NCAM1: variants seen among roughly 807,000 people sequenced by gnomAD.
NCAM1 encodes neural cell adhesion molecule 1.
NCAM1 carries 14 observed loss-of-function variants against 109.8 expected under a neutral mutation model. That is an observed-to-expected ratio of 0.13 (90% CI 0.08 to 0.20). NCAM1 has a LOEUF of 0.20. Among genes scored for constraint, NCAM1 ranks in the 10% least tolerant of loss-of-function variants. NCAM1 has a pLI of 1.00. For missense variants in NCAM1, 774 were observed against 1,109.9 expected (o/e 0.70, Z 4.30); for synonymous variants, 418 against 442.9 (o/e 0.94, Z 0.70).
chr11:113,266,027 T>TG (rs1159408043), intron 17 of NCAM1, among the ~76,000 whole-genome samples: 2 of 152,182 alleles, frequency 1.3e-5, no homozygotes, highest in Non-Finnish European at 2.9e-5. Flanking sequence ...CTCGAGGTTA[T>TG]GGGGAAACTC....
At chr11:113,086,385 G>C (rs1391864323) in intron 1 of NCAM1, among the ~76,000 whole-genome samples, 4 of 152,172 alleles carry the variant, frequency 2.6e-5, no homozygotes, top group African/African-American at 7.2e-5. Context: ...CCAATCTTCA[G>C]GTAACATTTA....
intron 1 of NCAM1, among the ~76,000 whole-genome samples, chr11:113,137,650 C>A (rs556703770): frequency 6.6e-6 from 1 of 152,312 alleles, no homozygotes; most frequent in South Asian, 2.1e-4. Flanking sequence ...TTAAATGACA[C>A]ACTGCAATTT....
intron 1 of NCAM1, among the ~76,000 whole-genome samples, chr11:113,055,980 T>TAG (rs1953685971): frequency 4.2e-4 from 2 of 4,818 alleles, no homozygotes; most frequent in African/African-American, 2.3e-3. Context: ...GAAAATGTGA[T>TAG]ATATATATAT....
intron 1 of NCAM1, among the ~76,000 whole-genome samples, chr11:113,138,061 C>T (rs1488170314): frequency 2.0e-5 from 3 of 152,142 alleles, no homozygotes; most frequent in Non-Finnish European, 4.4e-5. Context: ...GCAGTGCGGG[C>T]CGTGAGTCCC....
At chr11:113,114,552 T>C (rs1385312076) in intron 1 of NCAM1, among the ~76,000 whole-genome samples, 1 of 152,242 alleles carries the variant, frequency 6.6e-6, no homozygotes, top group Non-Finnish European at 1.5e-5. Context: ...AATTCTTTTT[T>C]GCTGTGCTTG....
chr11:113,106,361 G>A (rs1351749105), intron 1 of NCAM1, among the ~76,000 whole-genome samples: 2 of 152,140 alleles, frequency 1.3e-5, no homozygotes, highest in Non-Finnish European at 2.9e-5. Flanking sequence ...CACAGTTTGT[G>A]GTTTGTATAC....
intron 1 of NCAM1, among the ~76,000 whole-genome samples, chr11:113,079,739 C>T (rs1938701719): frequency 6.6e-6 from 1 of 152,232 alleles, no homozygotes; most frequent in Non-Finnish European, 1.5e-5. Flanking sequence ...ACCTTCAACT[C>T]AATCAGCCAG....
At chr11:113,086,538 T>A (rs1226869872) in intron 1 of NCAM1, among the ~76,000 whole-genome samples, 1 of 152,208 alleles carries the variant, frequency 6.6e-6, no homozygotes, top group Non-Finnish European at 1.5e-5. Context: ...TGCTCAGGGA[T>A]GTGTCTTGCT....
Position 113,108,854 on chromosome 11 carries a change from C to A in NCAM1, c.53-93525C>A, listed in dbSNP as rs1389947690. 2.0e-5 allele frequency among the ~76,000 whole-genome samples: 3 copies of A among 150,224 alleles called. No homozygotes were observed. In the South Asian group the frequency reaches 6.3e-4, roughly 32 times the overall value. On this transcript the variant is annotated intron_variant, in intron 1 of 19. Coordinates refer to ENST00000316851, the MANE Select transcript of NCAM1 (RefSeq NM_181351.5). ...GCAGTGGCGCGATCTTGGCTCACTGCAACCTCCGCCTCCCAGATTCAAGCA... is the reference window on the plus strand; with the variant it reads ...GCAGTGGCGCGATCTTGGCTCACTGAAACCTCCGCCTCCCAGATTCAAGCA...
chr11:113,194,091 G>T (rs888351722), intron 1 of NCAM1, among the ~76,000 whole-genome samples: 2 of 152,158 alleles, frequency 1.3e-5, no homozygotes, highest in African/African-American at 4.8e-5. Flanking sequence ...AATTATGCCG[G>T]ATTCCCAGCA....
rs45494195 is a variant in NCAM1 at position 113,273,074 on chromosome 11, T to G, written c.2456+1198T>G. On this transcript the variant is annotated intron_variant, in intron 19 of 19. Coordinates refer to ENST00000316851, the MANE Select transcript of NCAM1 (RefSeq NM_181351.5). This position sits in a 1 kb window ranked among gnomAD's most constrained non-coding sequence, Gnocchi z 6.0. ...GTGAGACCACCACCCTGACCTCCAGTATTGCCCCGCCGGCCACGGCCACGC... is the reference window on the plus strand; with the variant it reads ...GTGAGACCACCACCCTGACCTCCAGGATTGCCCCGCCGGCCACGGCCACGC... The G allele has an allele frequency of 2.2e-6, 1 of 456,494 alleles. No homozygotes were observed. The highest frequency in any genetic ancestry group is 2.0e-5 in the African/African-American group (1 of 50,074). The allele number at this position is 456,494 out of a possible 1,614,324, so 28.3% of individuals were successfully genotyped here. A position where few individuals can be genotyped will look rare whatever the true frequency, so the allele number is the denominator to read the frequency against.
chr11:113,011,383 T>C (rs1351235878), intron 1 of NCAM1, among the ~76,000 whole-genome samples: 2 of 151,938 alleles, frequency 1.3e-5, no homozygotes, highest in Non-Finnish European at 2.9e-5. Context: ...TTGGGTTGGT[T>C]CCAAGTCTTC....
At chr11:113,215,303 C>A (rs782598712) in intron 8 of NCAM1, among the ~76,000 whole-genome samples, 1 of 152,060 alleles carries the variant, frequency 6.6e-6, no homozygotes, top group Non-Finnish European at 1.5e-5. Context: ...TTTAATGCAA[C>A]TTAAACCGTC....
intron 7 of NCAM1, among the ~76,000 whole-genome samples, chr11:113,209,126 A>G (rs1944320684): frequency 6.6e-6 from 1 of 152,218 alleles, no homozygotes. Flanking sequence ...AAACTGGTCT[A>G]CTGTAGACAG....
At chr11:113,101,415 T>A (rs1939867563) in intron 1 of NCAM1, among the ~76,000 whole-genome samples, 1 of 152,242 alleles carries the variant, frequency 6.6e-6, no homozygotes, top group Non-Finnish European at 1.5e-5. Context: ...TTTCCTTTGT[T>A]ACTTTCATAC....
chr11:113,124,926 G>A (rs552803654), intron 1 of NCAM1, among the ~76,000 whole-genome samples: 2 of 152,280 alleles, frequency 1.3e-5, no homozygotes, highest in Non-Finnish European at 2.9e-5. Flanking sequence ...GAGGCCGTCC[G>A]TCATTAAAGG....
intron 3 of NCAM1, among the ~76,000 whole-genome samples, chr11:113,204,985 T>G (rs1944192511): frequency 6.6e-6 from 1 of 152,178 alleles, no homozygotes. Flanking sequence ...TCCATCCCAG[T>G]GGTTGGAGTA....
Position 113,274,857 on chromosome 11 carries a change from A to G in NCAM1, c.2457-410A>G, listed in dbSNP as rs577985789. Among the ~76,000 whole-genome samples the G allele has an allele frequency of 2.0e-5, 3 of 152,308 alleles. No homozygotes were observed. Among genetic ancestry groups the G allele is most frequent in the Non-Finnish European group, 2.9e-5 (2 of 68,020 alleles). ...GCCCAGCCCAGCAGGCTGCATTTAC[A>G]TCCAGCTGAGCTGTTGCCACTGCAG... On this transcript the variant is annotated intron_variant, in intron 19 of 19. Transcript: ENST00000316851. This position sits in a 1 kb window ranked among gnomAD's most constrained non-coding sequence, Gnocchi z 4.1.
intron 16 of NCAM1, among the ~76,000 whole-genome samples, chr11:113,259,900 C>T (rs1555122960): frequency 6.6e-6 from 1 of 151,966 alleles, no homozygotes; most frequent in African/African-American, 2.4e-5. Context: ...GACGGGTTTT[C>T]ACTATGGTGG....
Sources: gnomAD v4.1 joint callset for allele counts (sites outside exome capture counted in the v4.1 genomes callset) on GRCh38, gnomAD v4.1.1 for gene constraint, Gnocchi (gnomAD v3.1) non-coding constraint, MANE v1.5 for transcripts, NCBI Gene and HGNC (gene_info 2026-07-23, HGNC 2026-07-21) for gene names.